LRRC9: variants seen among roughly 807,000 people sequenced by gnomAD.
LRRC9 encodes the protein leucine-rich repeat-containing protein 9.
In LRRC9, 122 loss-of-function variants were observed where a neutral mutation model predicts 63.2. That is an observed-to-expected ratio of 1.93 (90% CI 1.67 to 2.24). The LOEUF is 2.24. Among genes scored for constraint, LRRC9 ranks in the 30% most tolerant of loss-of-function variants. The pLI is 0.00. For synonymous variants in LRRC9, 366 were observed against 213.1 expected (o/e 1.72, Z -6.25); for missense variants, 1,071 against 627.7 (o/e 1.71, Z -7.55).
chr14:59,930,989 A>G lies in LRRC9; in HGVS notation c.339A>G (p.Ile113Met). 1 of 454,484 alleles carries G rather than the reference A, an allele frequency of 2.2e-6. No homozygotes were observed. The highest frequency in any genetic ancestry group is 4.0e-6 in the Non-Finnish European group (1 of 250,686). 28.2% of individuals were successfully genotyped at this position (454,484 alleles called of 1,614,324 possible). Residue 113 changes from isoleucine (I) to methionine (M), a missense_variant, in exon 4 of 32, where the codon ATA (isoleucine) becomes ATG (methionine). Physicochemically the swap from Ile to Met is conservative, Grantham distance 10. Transcript: ENST00000445360. The surrounding 1 kb of genome is among the most constrained non-coding windows in gnomAD (Gnocchi z 4.9). Reference sequence around the variant, plus strand: ...TATATTTTAATAAAATTTCCAAAATAGAAAATTTAGAGAAATTAATCAAAT... The same window carrying G: ...TATATTTTAATAAAATTTCCAAAATGGAAAATTTAGAGAAATTAATCAAAT...
At chr14:60,059,651 A>G (rs1272078335) in intron 31 of LRRC9, among the ~76,000 whole-genome samples, 3 of 152,242 alleles carry the variant, frequency 2.0e-5, no homozygotes, top group Non-Finnish European at 2.9e-5. Context: ...CCCTTAAGCC[A>G]AAGCCTAATC....
intron 8 of LRRC9, among the ~76,000 whole-genome samples, chr14:59,955,246 G>A (rs1255271303): frequency 6.6e-6 from 1 of 152,176 alleles, no homozygotes; most frequent in Non-Finnish European, 1.5e-5. Flanking sequence ...ACCTCTGATA[G>A]AATGTGGCTG....
intron 17 of LRRC9, among the ~76,000 whole-genome samples, chr14:59,989,911 T>G (rs1887877930): frequency 6.6e-6 from 1 of 151,988 alleles, no homozygotes; most frequent in South Asian, 2.1e-4. Context: ...AATCCTCCAC[T>G]TTAGTCTAGA....
At chr14:59,929,028 G>A (rs969995568) in intron 3 of LRRC9, among the ~76,000 whole-genome samples, 27 of 151,960 alleles carry the variant, frequency 1.8e-4, no homozygotes, top group East Asian at 9.6e-4. Context: ...ATTTCATGAC[G>A]AAGACACCAA....
intron 25 of LRRC9, 68 bp from the exon 26 acceptor site, chr14:60,019,053 C>A: frequency 1.7e-6 from 1 of 581,778 alleles, no homozygotes; most frequent in Non-Finnish European, 3.1e-6. Context: ...GTGGTATATT[C>A]CAAGTTTTAT....
chr14:59,974,490 T>C (rs1310215435), intron 12 of LRRC9, 86 bp from the exon 13 acceptor site: 2 of 457,802 alleles, frequency 4.4e-6, no homozygotes, highest in Non-Finnish European at 7.7e-6. Flanking sequence ...CCCAGACACA[T>C]AAAAATAAAA....
intron 13 of LRRC9, among the ~76,000 whole-genome samples, chr14:59,975,592 C>T (rs971004551): frequency 6.6e-6 from 1 of 152,098 alleles, no homozygotes; most frequent in Non-Finnish European, 1.5e-5. Flanking sequence ...TTTAGTTCCA[C>T]AAGTATTTAT....
At position 59,981,974 on chromosome 14, in the gene LRRC9, AGAATCAAGGCCCG is replaced by A. The variant is rs1474266209; in HGVS notation, c.2006_2018del (p.Arg669AsnfsTer4). On this transcript the variant is annotated frameshift_variant, in exon 16 of 32. Coordinates refer to ENST00000445360, the Ensembl canonical transcript of LRRC9. LOFTEE classifies it high-confidence loss of function. ...TGATGAAGTTATAAAAATGGAGCCC[AGAATCAAGGCCCG>A]ACCAAAACTGATTAGTTTGGATGAT... 3.0e-5 allele frequency: 21 copies of A among 702,612 alleles called. 1 individual carries two copies. The Admixed American group carries it at 4.2e-4, about 14-fold the overall frequency. 43.5% of individuals were successfully genotyped at this position (702,612 alleles called of 1,614,324 possible).
chr14:60,023,382 C>G (rs2140296568), intron 27 of LRRC9, among the ~76,000 whole-genome samples: 1 of 151,914 alleles, frequency 6.6e-6, no homozygotes, highest in African/African-American at 2.4e-5. Context: ...GTATAGAACT[C>G]TTTAAAGGAG....
intron 30 of LRRC9, 165 bp from the exon 31 acceptor site, chr14:60,057,713 C>A: frequency 2.6e-6 from 1 of 387,916 alleles, no homozygotes; most frequent in Non-Finnish European, 4.6e-6. Flanking sequence ...AAAAGCTCTG[C>A]TGATTTTACA....
intron 8 of LRRC9, among the ~76,000 whole-genome samples, chr14:59,955,293 G>C (rs1883618197): frequency 6.6e-6 from 1 of 152,062 alleles, no homozygotes; most frequent in Admixed American, 6.5e-5. Context: ...TTGATTGGTA[G>C]GATATTAATG....
chr14:59,953,166 G>A (rs1207260910), intron 8 of LRRC9, among the ~76,000 whole-genome samples: 2 of 152,206 alleles, frequency 1.3e-5, no homozygotes, highest in Non-Finnish European at 1.5e-5. Flanking sequence ...TCCTTTGGGT[G>A]TATACCCAGT....
At position 60,060,159 on chromosome 14, in the gene LRRC9, C is replaced by A. The variant is rs1407497323; in HGVS notation, c.4276+2137C>A. 6.6e-6 allele frequency among the ~76,000 whole-genome samples: 1 copy of A among 152,214 alleles called. No homozygotes were observed. The highest frequency in any genetic ancestry group is 1.5e-5 in the Non-Finnish European group (1 of 68,030). ...TGTCTATGCTCTATCAGTCTATGCTCTATCAATGTACAAAGCTTGGATAAC... is the reference window on the plus strand; with the variant it reads ...TGTCTATGCTCTATCAGTCTATGCTATATCAATGTACAAAGCTTGGATAAC... On this transcript the variant is annotated intron_variant, in intron 31 of 31. Transcript: ENST00000445360. This position sits in a 1 kb window ranked among gnomAD's most constrained non-coding sequence, Gnocchi z 4.0.
intron 29 of LRRC9, among the ~76,000 whole-genome samples, chr14:60,041,693 C>T (rs1892958034): frequency 6.6e-6 from 1 of 152,164 alleles, no homozygotes; most frequent in Non-Finnish European, 1.5e-5. Flanking sequence ...CGAACACCCT[C>T]TTTTAGCTCG....
chr14:59,934,370 T>C (rs1015557047), intron 6 of LRRC9, among the ~76,000 whole-genome samples: 3 of 152,132 alleles, frequency 2.0e-5, no homozygotes, highest in Non-Finnish European at 4.4e-5. Context: ...TGGTTCTGGA[T>C]ATGTTGAGTT....
intron 23 of LRRC9, among the ~76,000 whole-genome samples, chr14:60,013,207 G>A (rs1192772700): frequency 1.4e-5 from 2 of 148,012 alleles, no homozygotes; most frequent in Admixed American, 7.0e-5. Context: ...TATACATATA[G>A]AGATATCTAT....
At chr14:59,920,003 G>T (rs946501948) in intron 1 of LRRC9, 141 bp from the exon 1 acceptor site, 5 of 152,208 alleles carry the variant, frequency 3.3e-5, no homozygotes, top group Non-Finnish European at 5.9e-5. Flanking sequence ...TTGGTTGGAG[G>T]TCGCCACCAC....
chr14:60,041,248 C>T (rs1024428908), intron 29 of LRRC9, among the ~76,000 whole-genome samples: 2 of 152,070 alleles, frequency 1.3e-5, no homozygotes, highest in Non-Finnish European at 2.9e-5. Flanking sequence ...TTGAGTTGCT[C>T]TTCTTGAGGA....
intron 7 of LRRC9, among the ~76,000 whole-genome samples, chr14:59,944,085 T>C (rs964000411): frequency 1.3e-5 from 2 of 152,000 alleles, no homozygotes; most frequent in African/African-American, 4.8e-5. Flanking sequence ...TAAATGGATT[T>C]GATAGACATT....
Sources: gnomAD v4.1 joint callset for allele counts (sites outside exome capture counted in the v4.1 genomes callset) on GRCh38, gnomAD v4.1.1 for gene constraint, Gnocchi (gnomAD v3.1) non-coding constraint, MANE v1.5 for transcripts, NCBI Gene and HGNC (gene_info 2026-07-23, HGNC 2026-07-21) for gene names.